Variants in FAM107B observed in about 807,000 individuals in gnomAD.
The protein encoded by FAM107B is protein FAM107B.
A neutral mutation model predicts 31.5 loss-of-function variants in FAM107B; 21 were observed. The observed-to-expected ratio is 0.67, with a 90% CI of 0.47 to 0.96. The LOEUF is 0.96. Ranked by LOEUF, FAM107B falls within the 40% of genes least tolerant of loss-of-function variation. The probability of loss-of-function intolerance (pLI) is 0.00; values close to 1 mark genes in which losing one functional copy is unlikely to be tolerated. For missense variants in FAM107B, 452 were observed against 377.1 expected (o/e 1.20, Z -1.64); for synonymous variants, 157 against 141.5 (o/e 1.11, Z -0.78).
intron 2 of FAM107B, among the ~76,000 whole-genome samples, chr10:14,620,662 C>T (rs1852987076): frequency 6.6e-6 from 1 of 152,146 alleles, no homozygotes; most frequent in African/African-American, 2.4e-5. Context: ...GGTATTTCTC[C>T]TAATGCTATC....
chr10:14,716,542 G>T (rs1468891137), intron 1 of FAM107B, among the ~76,000 whole-genome samples: 4 of 152,200 alleles, frequency 2.6e-5, no homozygotes, highest in Admixed American at 2.6e-4. Flanking sequence ...TCCATCACAG[G>T]CTACTTGTGA....
In FAM107B at chr10:14,520,893, G is replaced by C. The variant is rs1845563845; in HGVS notation, c.*297C>G. On this transcript the variant is annotated 3_prime_UTR_variant, in exon 5 of 5. Coordinates refer to ENST00000181796, the MANE Select transcript of FAM107B (RefSeq NM_031453.4). ...GCAACTCTCAAGAATTGATTCCAGT[G>C]TCCTCTTCCTTTTTCCTGTTCTCAC... The C allele has an allele frequency of 3.3e-6, 1 of 301,328 alleles. No individual in the cohort carries two copies. The highest frequency in any genetic ancestry group is 2.2e-5 in the African/African-American group (1 of 46,348). The allele number at this position is 301,328 out of a possible 1,614,324, so 18.7% of individuals were successfully genotyped here. A position where few individuals can be genotyped will look rare whatever the true frequency, so the allele number is the denominator to read the frequency against.
chr10:14,594,602 C>T (rs1428381724), intron 2 of FAM107B, among the ~76,000 whole-genome samples: 2 of 151,836 alleles, frequency 1.3e-5, no homozygotes. Flanking sequence ...GCCTCAAACA[C>T]ATGGTGAAGG....
At chr10:14,769,906 G>A (rs1355506378) in intron 1 of FAM107B, among the ~76,000 whole-genome samples, 1 of 152,198 alleles carries the variant, frequency 6.6e-6, no homozygotes, top group Non-Finnish European at 1.5e-5. Flanking sequence ...CTGGGAGAGA[G>A]AGGAGTGAAA....
At chr10:14,695,985 G>T (rs1855255561) in intron 1 of FAM107B, among the ~76,000 whole-genome samples, 1 of 152,094 alleles carries the variant, frequency 6.6e-6, no homozygotes, top group African/African-American at 2.4e-5. Context: ...CTTCTTCTGT[G>T]ATTGCTCTTG....
intron 1 of FAM107B, among the ~76,000 whole-genome samples, chr10:14,753,414 C>G (rs1405603712): frequency 6.6e-6 from 1 of 150,894 alleles, no homozygotes; most frequent in African/African-American, 2.5e-5. Context: ...ACCAAGCTCT[C>G]CCTCTCTATC....
intron 2 of FAM107B, among the ~76,000 whole-genome samples, chr10:14,631,558 A>T (rs1039424555): frequency 6.6e-6 from 1 of 152,276 alleles, no homozygotes; most frequent in South Asian, 2.1e-4. Flanking sequence ...TTCCTGCCTG[A>T]TTGATTTCTA....
intron 1 of FAM107B, among the ~76,000 whole-genome samples, chr10:14,718,545 G>GAGGAAGGA (rs1004687973): frequency 2.7e-5 from 4 of 150,132 alleles, no homozygotes; most frequent in Non-Finnish European, 5.9e-5. Flanking sequence ...GAGAGAGAGA[G>GAGGAAGGA]AGGAAGGAAG....
intron 2 of FAM107B, among the ~76,000 whole-genome samples, chr10:14,666,904 T>C (rs1356254595): frequency 3.3e-5 from 5 of 152,152 alleles, no homozygotes; most frequent in Admixed American, 3.3e-4. Flanking sequence ...TCTTAATTCT[T>C]CTCCCTAATT....
At chr10:14,687,728 GT>G (rs1164437458) in intron 1 of FAM107B, among the ~76,000 whole-genome samples, 1 of 152,068 alleles carries the variant, frequency 6.6e-6, no homozygotes, top group African/African-American at 2.4e-5. Context: ...GCCTCTAAAA[GT>G]TTCTCTGCCC....
chr10:14,569,833 T>C (rs781445144), intron 2 of FAM107B, among the ~76,000 whole-genome samples: 3 of 152,196 alleles, frequency 2.0e-5, no homozygotes, highest in Non-Finnish European at 4.4e-5. Flanking sequence ...CCTACTGAGA[T>C]GGACAGAGAG....
chr10:14,555,187 G>T (rs1343762649), intron 2 of FAM107B, among the ~76,000 whole-genome samples: 1 of 114,004 alleles, frequency 8.8e-6, no homozygotes, highest in African/African-American at 3.1e-5. Context: ...TCATAATCTT[G>T]ACTTGGAGAA....
chr10:14,671,887 A>AC (rs1333763306), intron 1 of FAM107B, among the ~76,000 whole-genome samples: 68 of 148,430 alleles, frequency 4.6e-4, no homozygotes, highest in African/African-American at 1.1e-3. Flanking sequence ...AAAAAAAACA[A>AC]AAAAACAAAA....
At position 14,545,287 on chromosome 10, in the gene FAM107B, T is replaced by C. The variant is rs549766750; in HGVS notation, c.470-14772A>G. On this transcript the variant is annotated intron_variant, in intron 2 of 4. Transcript: ENST00000181796. Reference sequence around the variant, plus strand: ...ACTCTCCTATTTGGACGTGTGCTCTTTCTGCTAAATTAATGGCAGGATGCA... The same window carrying C: ...ACTCTCCTATTTGGACGTGTGCTCTCTCTGCTAAATTAATGGCAGGATGCA... Among the ~76,000 whole-genome samples, 154 of 152,236 alleles carry C rather than the reference T, an allele frequency of 1.0e-3. 2 individuals carry two copies. The highest frequency in any genetic ancestry group is 2.4e-3 in the Admixed American group (37 of 15,288).
chr10:14,630,774 C>T (rs1317244824), intron 2 of FAM107B, among the ~76,000 whole-genome samples: 1 of 151,960 alleles, frequency 6.6e-6, no homozygotes, highest in Non-Finnish European at 1.5e-5. Flanking sequence ...TTCCTTGAGC[C>T]CAGGAGGTTG....
intron 1 of FAM107B, among the ~76,000 whole-genome samples, chr10:14,732,763 TATAAC>T (rs1188143083): frequency 2.7e-5 from 4 of 148,470 alleles, no homozygotes; most frequent in South Asian, 2.1e-4. Context: ...TTGTTAAACA[TATAAC>T]ATAATATATT....
At chr10:14,522,732 GCAC>G (rs1845798459) in intron 3 of FAM107B, among the ~76,000 whole-genome samples, 1 of 152,042 alleles carries the variant, frequency 6.6e-6, no homozygotes, top group Non-Finnish European at 1.5e-5. Context: ...CTGATCTTAT[GCAC>G]TAAATGCAGC....
intron 2 of FAM107B, among the ~76,000 whole-genome samples, chr10:14,637,367 A>T (rs1428979773): frequency 1.3e-5 from 2 of 152,042 alleles, no homozygotes; most frequent in African/African-American, 4.8e-5. Context: ...AGCTGCAGTG[A>T]CTCACGCCAC....
intron 2 of FAM107B, 52 bp downstream of exon 2, chr10:14,667,582 C>T: frequency 8.8e-6 from 14 of 1,595,584 alleles, no homozygotes; most frequent in Non-Finnish European, 1.2e-5. Flanking sequence ...GCTCCAAGCA[C>T]TTCTGTCAGC....
Sources: allele counts gnomAD v4.1 joint callset (sites outside exome capture counted in the v4.1 genomes callset), GRCh38; gene constraint gnomAD v4.1.1; transcripts MANE v1.5; gene names NCBI Gene and HGNC (gene_info 2026-07-23, HGNC 2026-07-21).